Variants in FBXL20 observed in about 807,000 individuals in gnomAD.
The protein encoded by FBXL20 is F-box and leucine rich repeat protein 20.
In FBXL20, 11 loss-of-function variants were observed where a neutral mutation model predicts 64.0. The ratio of observed to expected loss-of-function variants is 0.17; its 90% CI spans 0.11 to 0.28. The LOEUF (loss-of-function observed/expected upper bound fraction) is 0.28, where lower values mean the gene tolerates loss of function less well. FBXL20 is among the 10% of genes least tolerant of loss of function. The probability of loss-of-function intolerance (pLI) is 1.00; values close to 1 mark genes in which losing one functional copy is unlikely to be tolerated. For synonymous variants in FBXL20, 184 were observed against 189.0 expected, an observed-to-expected ratio of 0.97 and a Z score of 0.22; for missense variants, 303 against 526.2, an observed-to-expected ratio of 0.58 and a Z score of 4.15.
intron 10 of FBXL20, among the ~76,000 whole-genome samples, chr17:39,273,153 G>A (rs2046861560): frequency 6.6e-6 from 1 of 152,068 alleles, no homozygotes; most frequent in African/African-American, 2.4e-5. Context: ...GAGTAGCTGG[G>A]ATTACAGGAG....
intron 2 of FBXL20, among the ~76,000 whole-genome samples, chr17:39,323,301 A>G (rs1323569274): frequency 6.6e-6 from 1 of 152,116 alleles, no homozygotes; most frequent in Non-Finnish European, 1.5e-5. Flanking sequence ...TTCCAGAAAA[A>G]GCCAAGTCAT....
chr17:39,374,522 T>C lies in FBXL20; in HGVS notation c.42+26839A>G, dbSNP rs377635512. On this transcript the variant is annotated intron_variant, in intron 1 of 14. Transcript: ENST00000264658. ...CACCAGTGCACTCCAGCCAAGGCAA[T>C]AGAGCGAGACTCCATCTCAAAAAAA... Among the ~76,000 whole-genome samples the C allele has an allele frequency of 1.6e-3, 242 of 151,696 alleles. 2 individuals carry two copies. Among genetic ancestry groups the C allele is most frequent in the African/African-American group, 5.1e-3 (213 of 41,404 alleles).
chr17:39,317,072 A>T lies in FBXL20; in HGVS notation c.105-13433T>A, dbSNP rs966019769. ...ATAATTTAATATCTTAGAAGATACC[A>T]ATACTTCCCAATGTAATTTAATTTC... On this transcript the variant is annotated intron_variant, in intron 2 of 14. Coordinates refer to ENST00000264658, the MANE Select transcript of FBXL20 (RefSeq NM_032875.3). 2.6e-5 allele frequency among the ~76,000 whole-genome samples: 4 copies of T among 152,358 alleles called. No homozygotes were observed. In the South Asian group the frequency reaches 8.3e-4, roughly 32 times the overall value.
At chr17:39,300,544 A>T (rs2047124586) in intron 4 of FBXL20, among the ~76,000 whole-genome samples, 1 of 152,210 alleles carries the variant, frequency 6.6e-6, no homozygotes, top group Admixed American at 6.5e-5. Context: ...AAACGATTCA[A>T]TAAATGGCTT....
chr17:39,276,623 T>C (rs2046898239), intron 9 of FBXL20, among the ~76,000 whole-genome samples: 2 of 151,888 alleles, frequency 1.3e-5, no homozygotes, highest in Non-Finnish European at 2.9e-5. Flanking sequence ...GAGCCAAGAT[T>C]GTGCCACTGC....
intron 1 of FBXL20, among the ~76,000 whole-genome samples, chr17:39,364,538 AG>A (rs2047839515): frequency 6.6e-6 from 1 of 152,184 alleles, no homozygotes; most frequent in African/African-American, 2.4e-5. Context: ...GAGCCAGGGA[AG>A]GCAGAGGTTA....
rs12619105 is a variant in FBXL20, at chr17:39,333,902, C to T, written c.104+9278G>A. On this transcript the variant is annotated intron_variant, in intron 2 of 14. Transcript: ENST00000264658. ...CCGTCTGAGAAGTGAGGAGCCCCTCCGCCCGGCAGCCACCCCGTCTGGGAA... is the reference window on the plus strand; with the variant it reads ...CCGTCTGAGAAGTGAGGAGCCCCTCTGCCCGGCAGCCACCCCGTCTGGGAA... Among the ~76,000 whole-genome samples the T allele has an allele frequency of 8.5e-4, 128 of 149,944 alleles. 1 individual carries two copies. The highest frequency in any genetic ancestry group is 3.0e-3 in the African/African-American group (122 of 40,782).
chr17:39,338,886 C>A (rs1267639180), intron 2 of FBXL20, among the ~76,000 whole-genome samples: 1 of 151,818 alleles, frequency 6.6e-6, no homozygotes, highest in Non-Finnish European at 1.5e-5. Flanking sequence ...AATTATCAAC[C>A]CTGGGTAAAA....
At chr17:39,282,318 G>A (rs2046956040) in intron 8 of FBXL20, among the ~76,000 whole-genome samples, 1 of 152,132 alleles carries the variant, frequency 6.6e-6, no homozygotes, top group South Asian at 2.1e-4. Context: ...GCAGGTTGCT[G>A]TACACTTGGC....
At chr17:39,271,436 A>C (rs1214802491) in intron 10 of FBXL20, among the ~76,000 whole-genome samples, 2 of 150,208 alleles carry the variant, frequency 1.3e-5, no homozygotes, top group Non-Finnish European at 3.0e-5. Flanking sequence ...CATTTCTACC[A>C]AAAATGCAAA....
chr17:39,281,827 G>GT (rs575662918), intron 8 of FBXL20, among the ~76,000 whole-genome samples: 57 of 152,208 alleles, frequency 3.7e-4, no homozygotes, highest in Admixed American at 1.3e-3. Flanking sequence ...CCCTTATAAA[G>GT]TTTTTTATAA....
At chr17:39,351,083 C>G (rs543110647) in intron 1 of FBXL20, among the ~76,000 whole-genome samples, 1 of 152,112 alleles carries the variant, frequency 6.6e-6, no homozygotes, top group East Asian at 1.9e-4. Flanking sequence ...GCCTGTAATC[C>G]CAGCACTTTG....
chr17:39,297,292 G>T, intron 5 of FBXL20, 97 bp from the exon 6 acceptor site: 1 of 693,020 alleles, frequency 1.4e-6, no homozygotes, highest in Non-Finnish European at 2.5e-6. Context: ...AATATTGATT[G>T]TTGATATCTG....
chr17:39,341,320 C>G (rs2047580721), intron 2 of FBXL20, among the ~76,000 whole-genome samples: 1 of 152,020 alleles, frequency 6.6e-6, no homozygotes, highest in Non-Finnish European at 1.5e-5. Flanking sequence ...CCAATTTAAC[C>G]TATAATGTAT....
chr17:39,311,083 C>G (rs1161934459), intron 2 of FBXL20, among the ~76,000 whole-genome samples: 1 of 152,002 alleles, frequency 6.6e-6, no homozygotes, highest in Admixed American at 6.6e-5. Context: ...GGGAGGATCA[C>G]TTGAACCCAG....
intron 1 of FBXL20, among the ~76,000 whole-genome samples, chr17:39,374,450 A>C (rs1490751460): frequency 6.6e-6 from 1 of 151,950 alleles, no homozygotes; most frequent in Non-Finnish European, 1.5e-5. Flanking sequence ...CTGAGGCATG[A>C]GAACTGCTTG....
At chr17:39,343,352 G>T in intron 1 of FBXL20, 111 bp from the exon 2 acceptor site, 2 of 662,494 alleles carry the variant, frequency 3.0e-6, no homozygotes, top group Non-Finnish European at 2.4e-6. Context: ...AAATATAGTC[G>T]GCATCATAAA....
Position 39,334,473 on chromosome 17 carries a change from T to A in FBXL20, c.104+8707A>T, listed in dbSNP as rs555594667. 2.1e-5 allele frequency among the ~76,000 whole-genome samples: 3 copies of A among 143,110 alleles called. No individual in the cohort carries two copies. In the East Asian group the frequency reaches 6.0e-4, roughly 28 times the overall value. The allele number at this position is 143,110 out of a possible 152,430, so 93.9% of individuals were successfully genotyped here. A position where few individuals can be genotyped will look rare whatever the true frequency, so the allele number is the denominator to read the frequency against. On this transcript the variant is annotated intron_variant, in intron 2 of 14. Transcript: ENST00000264658. ...ACACCCAAGAATGATCAATAAATAC[T>A]AAAAAAATTAAAAAAAAAAAAATTC...
intron 1 of FBXL20, among the ~76,000 whole-genome samples, chr17:39,381,479 CA>C (rs35767863): frequency 0.08 from 5,402 of 67,824 alleles, 140 homozygotes; most frequent in African/African-American, 0.2. Context: ...GACTCTGTCT[CA>C]AAAAAAAAAA....
Sources: allele counts gnomAD v4.1 joint callset (sites outside exome capture counted in the v4.1 genomes callset), GRCh38; gene constraint gnomAD v4.1.1; transcripts MANE v1.5; gene names NCBI Gene and HGNC (gene_info 2026-07-23, HGNC 2026-07-21).